The following MAML3 variants were observed in gnomAD, a reference collection of about 807,000 sequenced individuals.
MAML3 encodes mastermind-like protein 3.
A neutral mutation model predicts 101.9 loss-of-function variants in MAML3; 27 were observed. That is an observed-to-expected ratio of 0.27 (90% CI 0.20 to 0.37). The LOEUF is 0.37. Among genes scored for constraint, MAML3 ranks in the 10% least tolerant of loss-of-function variants. MAML3 has a pLI of 1.00. For synonymous variants in MAML3, 501 were observed against 555.9 expected (o/e 0.90, Z 1.39); for missense variants, 1,316 against 1,444.9 (o/e 0.91, Z 1.45).
intron 1 of MAML3, among the ~76,000 whole-genome samples, chr4:140,057,921 T>C (rs1727378718): frequency 6.6e-6 from 1 of 151,356 alleles, no homozygotes; most frequent in South Asian, 2.1e-4. Context: ...CAGGGTTCAG[T>C]GTGAAGGCCC....
intron 2 of MAML3, among the ~76,000 whole-genome samples, chr4:139,731,667 G>A (rs1728731781): frequency 6.6e-6 from 1 of 152,000 alleles, no homozygotes; most frequent in Non-Finnish European, 1.5e-5. Context: ...AACATGGGGT[G>A]TTGGATTGGG....
intron 1 of MAML3, 118 bp downstream of exon 1, chr4:140,152,742 C>A (rs1191379137): frequency 1.1e-5 from 16 of 1,466,418 alleles, no homozygotes; most frequent in Non-Finnish European, 1.4e-5. Flanking sequence ...GGCTTCAGCC[C>A]ACCTCACCCA....
chr4:139,902,546 C>G (rs999441606), intron 1 of MAML3, among the ~76,000 whole-genome samples: 1 of 152,156 alleles, frequency 6.6e-6, no homozygotes, highest in African/African-American at 2.4e-5. Flanking sequence ...AAGATACCCA[C>G]AGACAGACAG....
intron 2 of MAML3, among the ~76,000 whole-genome samples, chr4:139,738,725 A>C (rs1729046809): frequency 6.6e-6 from 1 of 151,802 alleles, no homozygotes; most frequent in African/African-American, 2.4e-5. Context: ...GAGAAAAAAA[A>C]ATGCAGAAAA....
chr4:139,738,532 G>A (rs900582551), intron 2 of MAML3, among the ~76,000 whole-genome samples: 5 of 152,122 alleles, frequency 3.3e-5, no homozygotes, highest in African/African-American at 1.2e-4. Context: ...ACAATACAGC[G>A]ACACTCTGTC....
chr4:140,060,381 A>AAAAAAAAAAAAAAAAAAAAAAAAC (rs1560880622), intron 1 of MAML3, among the ~76,000 whole-genome samples: 3 of 148,320 alleles, frequency 2.0e-5, no homozygotes, highest in Admixed American at 6.7e-5. Context: ...AAAAAAAAAA[A>AAAAAAAAAAAAAAAAAAAAAAAAC]AAAAGTCACA....
intron 2 of MAML3, among the ~76,000 whole-genome samples, chr4:139,819,016 C>T (rs7684574): frequency 0.4 from 60,474 of 151,880 alleles, 12,273 homozygotes; most frequent in Admixed American, 0.45. Context: ...GCATCAGAGG[C>T]GCACGCAAAT....
chr4:139,870,317 C>T (rs910246175), intron 2 of MAML3, among the ~76,000 whole-genome samples: 3 of 152,108 alleles, frequency 2.0e-5, no homozygotes, highest in African/African-American at 4.8e-5. Context: ...ACCCCTGGCC[C>T]CCAAGTTGTG....
At chr4:140,058,566 GTA>G (rs10545710) in intron 1 of MAML3, among the ~76,000 whole-genome samples, 94,843 of 148,318 alleles carry the variant, frequency 0.64, 30,278 homozygotes, top group Middle Eastern at 0.69. Context: ...TATAATACAT[GTA>G]TATATATATA....
chr4:139,934,800 C>T (rs139232545), intron 1 of MAML3, among the ~76,000 whole-genome samples: 5 of 152,286 alleles, frequency 3.3e-5, no homozygotes, highest in African/African-American at 1.2e-4. Flanking sequence ...TTTTCTAAAC[C>T]TCTTTGCCCT....
chr4:140,031,148 A>T (rs905111645), intron 1 of MAML3, among the ~76,000 whole-genome samples: 2 of 152,202 alleles, frequency 1.3e-5, no homozygotes, highest in East Asian at 1.9e-4. Flanking sequence ...AAAAAAATTT[A>T]AAGGGGCATT....
intron 1 of MAML3, among the ~76,000 whole-genome samples, chr4:140,138,108 AGACATCCCT>A (rs1169967912): frequency 1.3e-5 from 2 of 152,262 alleles, no homozygotes; most frequent in African/African-American, 4.8e-5. Context: ...CTTGAATGCC[AGACATCCCT>A]GATTGTCACA....
chr4:139,898,033 A>T (rs1732646410), intron 1 of MAML3, among the ~76,000 whole-genome samples: 1 of 152,206 alleles, frequency 6.6e-6, no homozygotes, highest in African/African-American at 2.4e-5. Context: ...CAGTTTAGAC[A>T]TTACCTACTC....
intron 1 of MAML3, among the ~76,000 whole-genome samples, chr4:139,957,625 G>A (rs1460275777): frequency 6.6e-6 from 1 of 152,166 alleles, no homozygotes; most frequent in Non-Finnish European, 1.5e-5. Flanking sequence ...AAGAATGACA[G>A]TCCTGCACAT....
intron 1 of MAML3, among the ~76,000 whole-genome samples, chr4:139,908,211 C>T (rs146078870): frequency 0.014 from 2,061 of 152,306 alleles, 97 homozygotes; most frequent in Admixed American, 0.083. Flanking sequence ...AACAAACTGA[C>T]ATTTTAGATT....
intron 3 of MAML3, among the ~76,000 whole-genome samples, chr4:139,726,496 A>G (rs975638726): frequency 6.6e-6 from 1 of 152,180 alleles, no homozygotes; most frequent in African/African-American, 2.4e-5. Context: ...TTTGACATGG[A>G]CTGCCCAACA....
chr4:140,106,349 G>A (rs747822116), intron 1 of MAML3, among the ~76,000 whole-genome samples: 8 of 151,952 alleles, frequency 5.3e-5, no homozygotes, highest in Non-Finnish European at 7.4e-5. Flanking sequence ...CCCCATTCTG[G>A]TCAATGGATT....
At chr4:140,061,222 C>T (rs936444780) in intron 1 of MAML3, among the ~76,000 whole-genome samples, 4 of 152,188 alleles carry the variant, frequency 2.6e-5, no homozygotes, top group Admixed American at 6.5e-5. Flanking sequence ...GAACAGTCAT[C>T]GCTTTTTACA....
intron 1 of MAML3, among the ~76,000 whole-genome samples, chr4:140,055,839 T>C (rs1190412624): frequency 6.7e-6 from 1 of 150,370 alleles, no homozygotes; most frequent in Non-Finnish European, 1.5e-5. Context: ...GGTCACCAAA[T>C]GAAGGGCCAG....
Sources: allele counts gnomAD v4.1 joint callset (sites outside exome capture counted in the v4.1 genomes callset), GRCh38; gene constraint gnomAD v4.1.1; transcripts MANE v1.5; gene names NCBI Gene and HGNC (gene_info 2026-07-23, HGNC 2026-07-21).